The following UMODL1 variants were observed in gnomAD, a reference collection of about 807,000 sequenced individuals.
UMODL1 encodes the protein uromodulin like 1, also known as uromodulin-like 1.
Under a neutral mutation model 136.3 loss-of-function variants are expected in UMODL1, and 128 were observed. That is an observed-to-expected ratio of 0.94 (90% CI 0.81 to 1.09). The LOEUF is 1.09. UMODL1 is among the 50% of genes least tolerant of loss of function. UMODL1 has a pLI of 0.00. For synonymous variants in UMODL1, 721 were observed against 720.0 expected (o/e 1.00, Z -0.02); for missense variants, 1,766 against 1,725.6 (o/e 1.02, Z -0.41).
At chr21:42,109,487 T>C in intron 9 of UMODL1, 75 bp from the exon 10 acceptor site, 1 of 1,579,192 alleles carries the variant, frequency 6.3e-7, no homozygotes, top group Non-Finnish European at 8.6e-7. Flanking sequence ...GAAGGACTCC[T>C]TCCAGCATGG....
chr21:42,082,244 T>G (rs2066370647), intron 2 of UMODL1, among the ~76,000 whole-genome samples: 2 of 152,198 alleles, frequency 1.3e-5, no homozygotes, highest in Admixed American at 1.3e-4. Flanking sequence ...CCGCCACCTC[T>G]TTCTTCGTTG....
intron 7 of UMODL1, among the ~76,000 whole-genome samples, chr21:42,101,424 T>G (rs1436038910): frequency 6.6e-6 from 1 of 152,136 alleles, no homozygotes; most frequent in Admixed American, 6.5e-5. Context: ...AAGTGTGGCG[T>G]GCATAGGTGA....
intron 15 of UMODL1, 129 bp from the exon 16 acceptor site, chr21:42,120,958 T>G (rs2066962093): frequency 3.3e-6 from 4 of 1,218,934 alleles, no homozygotes; most frequent in Non-Finnish European, 4.6e-6. Flanking sequence ...ACTGGTGAGC[T>G]TGACTGCAGT....
At chr21:42,073,037 T>C (rs1250796733) in intron 1 of UMODL1, among the ~76,000 whole-genome samples, 25 of 151,950 alleles carry the variant, frequency 1.6e-4, no homozygotes, top group African/African-American at 4.4e-4. Flanking sequence ...CGCGCGTGTG[T>C]GTGTGTGCGT....
At chr21:42,083,935 T>C in intron 2 of UMODL1, 149 bp from the exon 3 acceptor site, 1 of 935,246 alleles carries the variant, frequency 1.1e-6, no homozygotes, top group Non-Finnish European at 1.6e-6. Flanking sequence ...ATGGGGTGGG[T>C]GTCTGCCCAG....
chr21:42,138,548 C>T (rs1053764406), intron 22 of UMODL1, among the ~76,000 whole-genome samples: 3 of 151,088 alleles, frequency 2.0e-5, no homozygotes, highest in African/African-American at 7.3e-5. Flanking sequence ...TGGGAAACAC[C>T]AAGACTGGGA....
chr21:42,076,181 C>T lies in UMODL1; in HGVS notation c.253C>T (p.Pro85Ser), dbSNP rs1212172433. 1.2e-6 allele frequency: 2 copies of T among 1,614,252 alleles called. No homozygotes were observed. Among genetic ancestry groups the T allele is most frequent in the East Asian group, 4.5e-5 (2 of 44,892 alleles). Residue 85 changes from proline to serine, a missense_variant, in exon 2 of 23, where the codon CCC becomes TCC. By Grantham distance (74) the Pro-to-Ser change is moderately conservative. Coordinates refer to ENST00000408910, the MANE Select transcript of UMODL1 (RefSeq NM_001004416.3). ...GACACAGTACCTGGTAGTGGAGGTCCCCGAGTCCAGGAACGTGACTGACTG... is the reference window on the plus strand; with the variant it reads ...GACACAGTACCTGGTAGTGGAGGTCTCCGAGTCCAGGAACGTGACTGACTG... ...YRTQYLVVEVPESRNVTDCCE... is the reference protein window; with the variant it reads ...YRTQYLVVEVSESRNVTDCCE...
chr21:42,140,845 A>G (rs182710477), intron 22 of UMODL1, among the ~76,000 whole-genome samples: 44 of 152,280 alleles, frequency 2.9e-4, no homozygotes, highest in Admixed American at 9.8e-4. Context: ...TTTCAGTTCA[A>G]CTTTACACTC....
At chr21:42,072,903 T>C (rs1461207035) in intron 1 of UMODL1, among the ~76,000 whole-genome samples, 1 of 152,258 alleles carries the variant, frequency 6.6e-6, no homozygotes, top group Non-Finnish European at 1.5e-5. Context: ...AACTGCTTTC[T>C]TCTCTGGGCT....
intron 6 of UMODL1, among the ~76,000 whole-genome samples, chr21:42,094,512 C>T (rs969030791): frequency 6.6e-6 from 1 of 152,114 alleles, no homozygotes; most frequent in Non-Finnish European, 1.5e-5. Flanking sequence ...TTGCCGTGGC[C>T]TTGGGTCATA....
chr21:42,063,964 G>C (rs1472493233), intron 1 of UMODL1, among the ~76,000 whole-genome samples: 1 of 152,186 alleles, frequency 6.6e-6, no homozygotes, highest in Non-Finnish European at 1.5e-5. Flanking sequence ...TGAAAAACAA[G>C]AGATGCTCAG....
chr21:42,075,354 C>A (rs570749535), intron 1 of UMODL1, among the ~76,000 whole-genome samples: 2 of 152,308 alleles, frequency 1.3e-5, no homozygotes, highest in Admixed American at 1.3e-4. Flanking sequence ...CCACCACGCC[C>A]GGCCTGAGCT....
At position 42,123,466 on chromosome 21, in the gene UMODL1, C is replaced by G. The variant is rs114822603; in HGVS notation, c.3147+316C>G. Among the ~76,000 whole-genome samples the G allele has an allele frequency of 0.02, 2,953 of 149,850 alleles. 87 individuals carry two copies. The highest frequency in any genetic ancestry group is 0.066 in the African/African-American group (2,706 of 40,986). On this transcript the variant is annotated intron_variant, in intron 17 of 22. Transcript: ENST00000408910. The surrounding 1 kb of genome is among the most constrained non-coding windows in gnomAD (Gnocchi z 4.4). The stretch of plus-strand genomic sequence containing the variant: ...GAAGAGGCAGGAAAGCCAAGGAGTC[C>G]TGTGTGATATGAGAGTGTGTGTGTG...
chr21:42,076,967 C>A (rs1457918298), intron 2 of UMODL1, among the ~76,000 whole-genome samples: 5 of 147,452 alleles, frequency 3.4e-5, no homozygotes, highest in Non-Finnish European at 5.9e-5. Flanking sequence ...CAGGGCTCAG[C>A]CTACTGACAC....
chr21:42,115,772 A>T, intron 13 of UMODL1, 101 bp from the exon 14 acceptor site: 1 of 949,614 alleles, frequency 1.1e-6, no homozygotes, highest in Admixed American at 2.1e-5. Context: ...CTTTGGTGTG[A>T]TGCTCTTCCT....
At chr21:42,095,387 G>A (rs1012987672) in intron 6 of UMODL1, among the ~76,000 whole-genome samples, 140 of 152,030 alleles carry the variant, frequency 9.2e-4, no homozygotes, top group South Asian at 2.1e-4. Flanking sequence ...GAGCCACCAC[G>A]CCCAGCCCTA....
At chr21:42,095,092 T>TTTTTTTTTTG (rs1410458586) in intron 6 of UMODL1, among the ~76,000 whole-genome samples, 1 of 114,474 alleles carries the variant, frequency 8.7e-6, no homozygotes, top group East Asian at 2.7e-4. Flanking sequence ...TTCTGCTGTT[T>TTTTTTTTTTG]TTTTTTTTTT....
rs1339479627 is a variant in UMODL1 at position 42,109,687 on chromosome 21, CG to C, written c.1648del (p.Ala550ProfsTer7). On this transcript the variant is annotated frameshift_variant, in exon 10 of 23. Transcript: ENST00000408910. LOFTEE classifies it high-confidence loss of function. ...TRDATPSRAG[R>X]ACEGDLVSPM... ...GGACGCCACCCCCTCCCGCGCAGGC[CG>C]GGCCTGTGAGGGTACGTGTCGACCC... is the stretch of plus-strand genomic sequence containing the variant. 2 of 1,603,518 alleles carry C rather than the reference CG, an allele frequency of 1.2e-6. No individual in the cohort carries two copies. Among genetic ancestry groups the C allele is most frequent in the Admixed American group, 3.3e-5 (2 of 59,986 alleles).
At position 42,113,280 on chromosome 21, in the gene UMODL1, C is replaced by G. The variant is rs374841304; in HGVS notation, c.2105-293C>G. 7.2e-5 allele frequency among the ~76,000 whole-genome samples: 11 copies of G among 152,088 alleles called. No individual in the cohort carries two copies. The East Asian group carries it at 1.7e-3, about 24-fold the overall frequency. On this transcript the variant is annotated intron_variant, in intron 12 of 22. Coordinates refer to ENST00000408910, the MANE Select transcript of UMODL1 (RefSeq NM_001004416.3). The stretch of plus-strand genomic sequence containing the variant: ...CGCCACCAAGAACCTGCTCAAGAGG[C>G]CTTCATTTTGGGGAGTCCAGGGGCC...
Sources: allele counts gnomAD v4.1 joint callset (sites outside exome capture counted in the v4.1 genomes callset), GRCh38; gene constraint gnomAD v4.1.1; non-coding constraint Gnocchi (gnomAD v3.1); transcripts MANE v1.5; gene names NCBI Gene and HGNC (gene_info 2026-07-23, HGNC 2026-07-21).